RNF213: variants seen among roughly 807,000 people sequenced by gnomAD.
The protein encoded by RNF213 is ring finger protein 213, also known as E3 ubiquitin-protein ligase RNF213.
A neutral mutation model predicts 514.4 loss-of-function variants in RNF213; 341 were observed. The ratio of observed to expected loss-of-function variants is 0.66; its 90% CI spans 0.61 to 0.73. RNF213 has a LOEUF of 0.73. Ranked by LOEUF, RNF213 falls within the 30% of genes least tolerant of loss-of-function variation. RNF213 has a pLI of 0.00. For missense variants in RNF213, 5,767 were observed against 6,615.6 expected (o/e 0.87, Z 4.45); for synonymous variants, 2,655 against 2,658.2 (o/e 1.00, Z 0.04).
chr17:80,383,702 T>C lies in RNF213; in HGVS notation c.14096T>C (p.Met4699Thr), dbSNP rs1224606927. The part of the protein sequence containing the change: ...LEHLDKTLPT[M>T]NNLISQDKRI... ...CATCTAGATAAAACCCTTCCCACCATGAATAATCTCATCAGCCAAGATAAG... is the reference window on the plus strand; with the variant it reads ...CATCTAGATAAAACCCTTCCCACCACGAATAATCTCATCAGCCAAGATAAG... Residue 4699 changes from methionine (M) to threonine (T), a missense_variant, in exon 59 of 68, where the codon ATG becomes ACG. Transcript: ENST00000582970. The C allele has an allele frequency of 1.9e-6, 3 of 1,613,980 alleles. No individual in the cohort carries two copies. The highest frequency in any genetic ancestry group is 1.3e-5 in the African/African-American group (1 of 74,960).
intron 10 of RNF213, among the ~76,000 whole-genome samples, chr17:80,296,891 C>T (rs746590204): frequency 3.3e-5 from 5 of 151,632 alleles, no homozygotes; most frequent in Admixed American, 6.6e-5. Context: ...CATGTTGCCA[C>T]GGTGGTCTTG....
rs80034830 is a variant in RNF213, at chr17:80,354,920, G to A, written c.10862+344G>A. 522 of 378,284 alleles carry A rather than the reference G, an allele frequency of 1.4e-3. 1 individual carries two copies. The highest frequency in any genetic ancestry group is 0.01 in the African/African-American group (479 of 47,898). 23.4% of individuals were successfully genotyped at this position (378,284 alleles called of 1,614,324 possible). A position where few individuals can be genotyped will look rare whatever the true frequency, so the allele number is the denominator to read the frequency against. On this transcript the variant is annotated intron_variant, in intron 36 of 67. Transcript: ENST00000582970. The stretch of plus-strand genomic sequence containing the variant: ...TTTTCAGTCATGAAGTTAAAATGAC[G>A]TGCAGAGCAGGCAGGGGACAGGCGG...
rs368365560 is a variant in RNF213 at position 80,354,115 on chromosome 17, C to T, written c.10675C>T (p.Arg3559Trp). Residue 3559 changes from arginine to tryptophan, a missense_variant, in exon 35 of 68, where the codon CGG (arginine) becomes TGG (tryptophan). This residue lies in a region of RNF213 where 919 missense variants were observed against 1,121.0 expected (regional missense o/e 0.82). Transcript: ENST00000582970. ...DQNESCTRNM[R>W]RVVLLLGLLN... ...GAACGAGAGCTGCACGCGCAATATG[C>T]GGAGGGTGGTGCTCCTCCTGGGCCT... The T allele has an allele frequency of 1.2e-5, 20 of 1,613,966 alleles. No individual in the cohort carries two copies. Among genetic ancestry groups the T allele is most frequent in the East Asian group, 8.9e-5 (4 of 44,888 alleles).
intron 63 of RNF213, among the ~76,000 whole-genome samples, 178 bp downstream of exon 63, chr17:80,387,069 C>T (rs2080266914): frequency 6.6e-6 from 1 of 152,362 alleles, no homozygotes; most frequent in East Asian, 1.9e-4. Context: ...GGCCGCAGGG[C>T]TCTCCTGAGC....
At chr17:80,261,298 C>T (rs1598865172) in intron 1 of RNF213, among the ~76,000 whole-genome samples, 1 of 152,360 alleles carries the variant, frequency 6.6e-6, no homozygotes, top group South Asian at 2.1e-4. Flanking sequence ...AATCCTGCGC[C>T]TGTACGAATG....
chr17:80,378,127 A>G (rs867069508), intron 54 of RNF213, among the ~76,000 whole-genome samples: 1 of 152,144 alleles, frequency 6.6e-6, no homozygotes, highest in Non-Finnish European at 1.5e-5. Flanking sequence ...GACATTGACA[A>G]AGGTCCCCTA....
chr17:80,333,309 C>T (rs1388003874), intron 21 of RNF213, among the ~76,000 whole-genome samples: 5 of 151,320 alleles, frequency 3.3e-5, no homozygotes, highest in Admixed American at 1.3e-4. Flanking sequence ...ATCCACCCAC[C>T]GTGGCCTCCC....
chr17:80,327,059 C>T (rs4075499), intron 18 of RNF213, among the ~76,000 whole-genome samples: 98,155 of 152,066 alleles, frequency 0.65, 32,527 homozygotes, highest in Middle Eastern at 0.69. Flanking sequence ...CTGTTTCTCT[C>T]TTTGCATATG....
At chr17:80,369,915 C>T in intron 46 of RNF213, 48 bp downstream of exon 46, 2 of 1,289,128 alleles carry the variant, frequency 1.6e-6, no homozygotes, top group African/African-American at 1.5e-5. Flanking sequence ...GGCTTTTTCT[C>T]TTCATCGCAG....
chr17:80,383,047 G>C lies in RNF213; in HGVS notation c.14047G>C (p.Ala4683Pro). 6.2e-7 allele frequency: 1 copy of C among 1,613,858 alleles called. No homozygotes were observed. The highest frequency in any genetic ancestry group is 1.7e-5 in the Admixed American group (1 of 60,024). Reference protein sequence around the residue: ...MRNNWEKEIAAVISPELEHLD... With the variant: ...MRNNWEKEIAPVISPELEHLD... ...GAACAACTGGGAAAAGGAAATCGCA[G>C]CTGTGATTTCTCCTGAACTGGAGGT... Residue 4683 changes from alanine to proline, a missense_variant, in exon 58 of 68, where the codon GCT becomes CCT. By Grantham distance (27) the Ala-to-Pro change is conservative. This residue lies in a region of RNF213 where 1,245 missense variants were observed against 1,339.0 expected (regional missense o/e 0.93). Coordinates refer to ENST00000582970, the MANE Select transcript of RNF213 (RefSeq NM_001256071.3).
At chr17:80,322,406 C>G (rs1462577398) in intron 17 of RNF213, among the ~76,000 whole-genome samples, 3 of 151,834 alleles carry the variant, frequency 2.0e-5, no homozygotes, top group Admixed American at 2.0e-4. Flanking sequence ...GACACCCTGT[C>G]TCTACTAAAA....
Position 80,348,346 on chromosome 17 carries a change from G to T in RNF213, c.9951+60G>T, listed in dbSNP as rs555730526. The T allele has an allele frequency of 6.9e-6, 11 of 1,596,570 alleles. No individual in the cohort carries two copies. The East Asian group carries it at 2.2e-4, about 32-fold the overall frequency. The stretch of plus-strand genomic sequence containing the variant: ...GTCACCCAAGAGTCCTAAATCCCTC[G>T]TGTCAGGATTCAAGATTCTTCCCCA... On this transcript the variant is annotated intron_variant, in intron 29 of 67. Coordinates refer to ENST00000582970, the MANE Select transcript of RNF213 (RefSeq NM_001256071.3).
rs561810522 is a variant in RNF213 at position 80,363,278 on chromosome 17, A to C, written c.11532A>C (p.Glu3844Asp). 6.2e-7 allele frequency: 1 copy of C among 1,614,062 alleles called. No homozygotes were observed. The highest frequency in any genetic ancestry group is 8.5e-7 in the Non-Finnish European group (1 of 1,180,048). ...CTCAGGTTCTCCACAGCCTGATGGA[A>C]GCCCGTTGGAACCATGAGCTGGCTG... ...IYPQVLHSLM[E>D]ARWNHELAGC... Residue 3844 changes from glutamate (E) to aspartate (D), a missense_variant, in exon 40 of 68, where the codon GAA becomes GAC. Glu to Asp is a conservative substitution (Grantham distance 45, BLOSUM62 2). Transcript: ENST00000582970.
At chr17:80,306,552 T>C (rs2143576851) in intron 12 of RNF213, 84 bp downstream of exon 12, 1 of 1,405,502 alleles carries the variant, frequency 7.1e-7, no homozygotes, top group East Asian at 2.4e-5. Context: ...GGATTCTTAT[T>C]CCTAAAAAAC....
intron 3 of RNF213, chr17:80,278,905 G>A (rs747467326): frequency 6.5e-7 from 1 of 1,537,156 alleles, no homozygotes; most frequent in East Asian, 2.4e-5. Flanking sequence ...TGCAGACTGT[G>A]AGCAGGTAGT....
rs1256522972 is a variant in RNF213 at position 80,295,442 on chromosome 17, G to T, written c.1756-115G>T. 2.3e-6 allele frequency: 3 copies of T among 1,317,686 alleles called. No homozygotes were observed. In the Admixed American group the frequency reaches 5.6e-5, roughly 25 times the overall value. 81.6% of individuals were successfully genotyped at this position (1,317,686 alleles called of 1,614,324 possible). On this transcript the variant is annotated intron_variant, in intron 9 of 67. Coordinates refer to ENST00000582970, the MANE Select transcript of RNF213 (RefSeq NM_001256071.3). ...CTCCTCCTGTGGCTCTCACAGGTGT[G>T]GTGGTGGGGCACGGATGGGGTCTGC...
intron 37 of RNF213, 138 bp downstream of exon 37, chr17:80,358,617 A>G (rs2078923276): frequency 5.1e-6 from 4 of 781,920 alleles, no homozygotes; most frequent in African/African-American, 3.4e-5. Context: ...CTGCAGTAAC[A>G]ATAGGAAGTT....
rs936341997 is a variant in RNF213 at position 80,395,312 on chromosome 17, ACTC to A, written c.*1815_*1817del. On this transcript the variant is annotated 3_prime_UTR_variant, in exon 68 of 68. Coordinates refer to ENST00000582970, the MANE Select transcript of RNF213 (RefSeq NM_001256071.3). ...TAAACTGGAGTTTTGCTGCTAAAGA[ACTC>A]TTCTCTCTGGGGGCAGAGCTTCTAT... 3 of 151,642 alleles carry A rather than the reference ACTC, an allele frequency of 2.0e-5. No homozygotes were observed. Among genetic ancestry groups the A allele is most frequent in the Non-Finnish European group, 2.9e-5 (2 of 67,930 alleles). The allele number at this position is 151,642 out of a possible 1,614,324, so 9.4% of individuals were successfully genotyped here.
rs2045359347 is a variant in RNF213 at position 80,306,404 on chromosome 17, T to G, written c.2363T>G (p.Ile788Ser). The G allele has an allele frequency of 1.9e-6, 3 of 1,614,216 alleles. No homozygotes were observed. The South Asian group carries it at 3.3e-5, about 18-fold the overall frequency. ...IEHLGRFPAH[I>S]LDCLSGIYYR... ...CACCTGGGTCGTTTTCCTGCTCATATCCTGGACTGTCTTTCAGGGATTTAC... is the reference window on the plus strand; with the variant it reads ...CACCTGGGTCGTTTTCCTGCTCATAGCCTGGACTGTCTTTCAGGGATTTAC... The change falls in exon 12 of 68, where the codon ATC (isoleucine) becomes AGC (serine). Residue 788 changes from isoleucine to serine, a missense_variant. Physicochemically the swap from Ile to Ser is moderately radical, Grantham distance 142. Transcript: ENST00000582970.
Sources: gnomAD v4.1 joint callset for allele counts (sites outside exome capture counted in the v4.1 genomes callset) on GRCh38, gnomAD v4.1.1 for gene constraint, gnomAD v4.1.1 regional missense constraint, MANE v1.5 for transcripts, NCBI Gene and HGNC (gene_info 2026-07-23, HGNC 2026-07-21) for gene names.